The following RARB variants were observed in gnomAD, a reference collection of about 807,000 sequenced individuals.
RARB encodes HBV-activated protein.
A neutral mutation model predicts 51.9 loss-of-function variants in RARB; 17 were observed. The ratio of observed to expected loss-of-function variants is 0.33; its 90% confidence interval spans 0.22 to 0.49. The LOEUF (loss-of-function observed/expected upper bound fraction) is 0.49. Ranked by LOEUF, RARB falls within the 20% of genes least tolerant of loss-of-function variation. RARB has a pLI of 0.99. For missense variants in RARB, 369 were observed against 550.8 expected (o/e 0.67, Z 3.30); for synonymous variants, 215 against 195.4 (o/e 1.10, Z -0.84).
intron 2 of RARB, among the ~76,000 whole-genome samples, chr3:24,982,856 C>T (rs1425094839): frequency 6.6e-6 from 1 of 152,172 alleles, no homozygotes; most frequent in Non-Finnish European, 1.5e-5. Flanking sequence ...GAATATCCTA[C>T]AAAGTATGAA....
chr3:25,585,168 T>C (rs1210806341), intron 5 of RARB, among the ~76,000 whole-genome samples: 1 of 152,192 alleles, frequency 6.6e-6, no homozygotes, highest in Non-Finnish European at 1.5e-5. Context: ...GAAGCTTCCT[T>C]TCAGGCTCTA....
chr3:25,499,982 G>A (rs1262855973), intron 2 of RARB, among the ~76,000 whole-genome samples: 1 of 152,196 alleles, frequency 6.6e-6, no homozygotes, highest in African/African-American at 2.4e-5. Context: ...CCAATCAATA[G>A]TAAAAAGTAA....
intron 3 of RARB, among the ~76,000 whole-genome samples, chr3:25,509,358 C>A (rs1030600454): frequency 6.6e-6 from 1 of 152,212 alleles, no homozygotes; most frequent in Non-Finnish European, 1.5e-5. Flanking sequence ...TCTGCTACTG[C>A]TTCTTTTGGT....
At chr3:25,578,273 C>T (rs1701023675) in intron 4 of RARB, among the ~76,000 whole-genome samples, 1 of 152,298 alleles carries the variant, frequency 6.6e-6, no homozygotes, top group African/African-American at 2.4e-5. Context: ...TAATAAAACA[C>T]CAGGTTATTT....
chr3:24,922,189 G>C (rs1695229836), intron 2 of RARB, among the ~76,000 whole-genome samples: 1 of 152,182 alleles, frequency 6.6e-6, no homozygotes, highest in African/African-American at 2.4e-5. Flanking sequence ...TTCAAATCCT[G>C]GTTCTGTCAC....
chr3:24,910,027 CTACA>C (rs1051972880), intron 2 of RARB, among the ~76,000 whole-genome samples: 20 of 152,118 alleles, frequency 1.3e-4, no homozygotes, highest in Admixed American at 6.6e-5. Context: ...TGAAAAGCTC[CTACA>C]TACTAGGTAT....
rs982273487 is a variant in RARB, at chr3:25,270,727, A to C, written c.178+96152A>C. Among the ~76,000 whole-genome samples, 7 of 152,334 alleles carry C rather than the reference A, an allele frequency of 4.6e-5. No individual in the cohort carries two copies. The East Asian group carries it at 1.3e-3, about 29-fold the overall frequency. ...ATGTTCTCACGGTATCCCTTGAAGTAGTGCTATTTTTATCCCTCTAGTGCA... is the reference window on the plus strand; with the variant it reads ...ATGTTCTCACGGTATCCCTTGAAGTCGTGCTATTTTTATCCCTCTAGTGCA... On this transcript the variant is annotated intron_variant, in intron 5 of 11. Transcript: ENST00000383772.
intron 3 of RARB, among the ~76,000 whole-genome samples, chr3:25,072,066 A>G (rs1698777836): frequency 1.3e-5 from 2 of 152,182 alleles, no homozygotes; most frequent in Non-Finnish European, 2.9e-5. Flanking sequence ...ATCTTGAAGG[A>G]TTCTCGTTTC....
chr3:25,198,959 G>A (rs528349973), intron 5 of RARB, among the ~76,000 whole-genome samples: 1 of 151,924 alleles, frequency 6.6e-6, no homozygotes, highest in African/African-American at 2.4e-5. Context: ...CCCCAAAAAA[G>A]GAAATCGGTA....
intron 3 of RARB, among the ~76,000 whole-genome samples, chr3:25,513,373 G>A (rs763796099): frequency 1.6e-4 from 25 of 152,204 alleles, no homozygotes; most frequent in Middle Eastern, 3.4e-3. Context: ...GGTACCTAAG[G>A]ACTGGGGATT....
chr3:25,347,970 C>T (rs563836664), intron 5 of RARB, among the ~76,000 whole-genome samples: 1 of 152,264 alleles, frequency 6.6e-6, no homozygotes, highest in Non-Finnish European at 1.5e-5. Context: ...GTCTAGATTC[C>T]TTGAGGGCAA....
intron 3 of RARB, among the ~76,000 whole-genome samples, chr3:25,509,041 C>T (rs1286359653): frequency 6.6e-6 from 1 of 152,112 alleles, no homozygotes; most frequent in African/African-American, 2.4e-5. Context: ...CTGCCTGTCT[C>T]CTGGAGAGGG....
At chr3:25,174,590 A>G (rs1362133895) in intron 5 of RARB, 46 of 1,351,682 alleles carry the variant, frequency 3.4e-5, no homozygotes, top group Non-Finnish European at 4.4e-5. Context: ...GTCCTGCTGG[A>G]ATTTGCTCTC....
At chr3:24,995,231 G>T (rs1041183762) in intron 2 of RARB, among the ~76,000 whole-genome samples, 4 of 150,038 alleles carry the variant, frequency 2.7e-5, no homozygotes, top group African/African-American at 9.8e-5. Context: ...ATTTCCAGGT[G>T]TTTTTTTTTA....
chr3:24,883,421 A>C (rs1053971911), intron 2 of RARB, among the ~76,000 whole-genome samples: 3 of 149,244 alleles, frequency 2.0e-5, no homozygotes, highest in Non-Finnish European at 3.0e-5. Flanking sequence ...AATATTTTTA[A>C]ACTCAAAAGA....
In RARB at chr3:25,442,116, TTTTATTTA is replaced by T. The variant is rs148774111; in HGVS notation, c.157+13256_157+13263del. Among the ~76,000 whole-genome samples the T allele has an allele frequency of 2.9e-3, 423 of 147,816 alleles. 1 individual carries two copies. The highest frequency in any genetic ancestry group is 9.5e-3 in the African/African-American group (384 of 40,290). On this transcript the variant is annotated intron_variant, in intron 1 of 7. Transcript: ENST00000330688. ...AAGTGACTTTTTAATTTTATTTTAT[TTTTATTTA>T]TTTATTTATTTATTTATTTATTTAT...
intron 5 of RARB, among the ~76,000 whole-genome samples, chr3:25,283,437 C>A (rs1045049107): frequency 6.6e-5 from 10 of 152,212 alleles, no homozygotes; most frequent in African/African-American, 1.9e-4. Context: ...TCGGGCCTGA[C>A]CCCAAGTGGA....
At chr3:25,164,754 G>T (rs1700532844) in intron 4 of RARB, among the ~76,000 whole-genome samples, 1 of 152,110 alleles carries the variant, frequency 6.6e-6, no homozygotes, top group Non-Finnish European at 1.5e-5. Flanking sequence ...TTTTCAAATA[G>T]AAATGGGTAC....
intron 5 of RARB, among the ~76,000 whole-genome samples, chr3:25,308,717 G>A (rs1030079380): frequency 6.6e-6 from 1 of 151,984 alleles, no homozygotes; most frequent in African/African-American, 2.4e-5. Context: ...CAAAGTGCTG[G>A]GATTACAGGC....
Sources: gnomAD v4.1 joint callset for allele counts (sites outside exome capture counted in the v4.1 genomes callset) on GRCh38, gnomAD v4.1.1 for gene constraint, MANE v1.5 for transcripts, NCBI Gene and HGNC (gene_info 2026-07-23, HGNC 2026-07-21) for gene names.